The following LEKR1 variants were observed in gnomAD, a reference collection of about 807,000 sequenced individuals.
LEKR1 encodes the protein protein LEKR1.
In LEKR1, 59 loss-of-function variants were observed where a neutral mutation model predicts 72.4. The ratio of observed to expected loss-of-function variants is 0.82; its 90% CI spans 0.66 to 1.01. The LOEUF is 1.01. LEKR1 is among the 50% of genes least tolerant of loss of function. The probability of loss-of-function intolerance (pLI) is 0.00; values close to 1 mark genes in which losing one functional copy is unlikely to be tolerated. For missense variants in LEKR1, 728 were observed against 759.2 expected (o/e 0.96, Z 0.48); for synonymous variants, 257 against 263.2 (o/e 0.98, Z 0.23).
At chr3:156,836,644 C>T (rs982821628) in intron 2 of LEKR1, among the ~76,000 whole-genome samples, 1 of 152,182 alleles carries the variant, frequency 6.6e-6, no homozygotes, top group Non-Finnish European at 1.5e-5. Flanking sequence ...ACCAGTAAGT[C>T]TTATCTAAGA....
intron 2 of LEKR1, among the ~76,000 whole-genome samples, chr3:156,844,955 T>A (rs1714410076): frequency 6.7e-6 from 1 of 150,038 alleles, no homozygotes; most frequent in African/African-American, 2.4e-5. Flanking sequence ...CCAGAGTGGG[T>A]ATACCATTTT....
chr3:156,932,474 A>G (rs1286172487), intron 5 of LEKR1, among the ~76,000 whole-genome samples: 1 of 152,142 alleles, frequency 6.6e-6, no homozygotes, highest in African/African-American at 2.4e-5. Context: ...GCACTATGGG[A>G]GACTGAGGCA....
intron 2 of LEKR1, among the ~76,000 whole-genome samples, chr3:156,848,457 G>C (rs1026715060): frequency 3.3e-5 from 5 of 152,126 alleles, no homozygotes; most frequent in African/African-American, 7.2e-5. Context: ...TGTTCACTGA[G>C]AGCAAGCATG....
At chr3:156,964,171 G>C (rs1469246099) in intron 6 of LEKR1, among the ~76,000 whole-genome samples, 2 of 152,126 alleles carry the variant, frequency 1.3e-5, no homozygotes, top group African/African-American at 4.8e-5. Flanking sequence ...CTTTCAGATA[G>C]AATTATAAAC....
chr3:156,899,381 C>T (rs865929552), intron 3 of LEKR1, among the ~76,000 whole-genome samples: 2 of 106,976 alleles, frequency 1.9e-5, no homozygotes, highest in Admixed American at 1.1e-4. Context: ...CATATATACA[C>T]ATATATACAT....
chr3:157,004,678 C>G (rs1303024572), intron 9 of LEKR1, among the ~76,000 whole-genome samples: 2 of 152,028 alleles, frequency 1.3e-5, no homozygotes, highest in African/African-American at 4.8e-5. Context: ...AGAAAATTAT[C>G]TTGACAGTCC....
chr3:156,870,819 A>G (rs1717841243), intron 3 of LEKR1, among the ~76,000 whole-genome samples: 2 of 152,078 alleles, frequency 1.3e-5, no homozygotes, highest in East Asian at 3.8e-4. Context: ...AGTTTGTCAT[A>G]TATGGCCTTT....
chr3:156,848,082 T>C (rs1237239712), intron 2 of LEKR1, among the ~76,000 whole-genome samples: 1 of 152,192 alleles, frequency 6.6e-6, no homozygotes, highest in African/African-American at 2.4e-5. Context: ...CAAGGATTAA[T>C]GATGAAAGTG....
intron 6 of LEKR1, among the ~76,000 whole-genome samples, chr3:156,976,416 G>A (rs376101948): frequency 7.3e-4 from 111 of 151,988 alleles, no homozygotes; most frequent in African/African-American, 2.6e-3. Context: ...AAGCACCAGG[G>A]GCCATTTAAT....
At chr3:157,019,413 G>A (rs1182455363) in intron 10 of LEKR1, among the ~76,000 whole-genome samples, 3 of 152,166 alleles carry the variant, frequency 2.0e-5, no homozygotes. Flanking sequence ...ACAATGCTCT[G>A]AATGCTCTGG....
At chr3:157,025,786 G>A (rs867718391) in intron 11 of LEKR1, among the ~76,000 whole-genome samples, 5 of 151,948 alleles carry the variant, frequency 3.3e-5, no homozygotes, top group Middle Eastern at 6.8e-3. Flanking sequence ...AGCACTTTGA[G>A]AGGCCCAAGC....
intron 2 of LEKR1, among the ~76,000 whole-genome samples, chr3:156,843,827 G>A (rs344089): frequency 0.3 from 45,392 of 150,754 alleles, 9,568 homozygotes; most frequent in African/African-American, 0.6. Context: ...AAGTTGTGAT[G>A]TGTGTGTGTG....
chr3:156,951,962 A>G (rs1257346436), intron 6 of LEKR1, among the ~76,000 whole-genome samples: 3 of 151,364 alleles, frequency 2.0e-5, no homozygotes, highest in Non-Finnish European at 4.4e-5. Flanking sequence ...ATTTTTTACT[A>G]TTGGGTATAG....
chr3:156,885,886 G>A (rs1475058779), intron 3 of LEKR1, among the ~76,000 whole-genome samples: 1 of 152,190 alleles, frequency 6.6e-6, no homozygotes, highest in Non-Finnish European at 1.5e-5. Flanking sequence ...GCTTAAGTTG[G>A]TTGGCCTACA....
chr3:156,853,020 G>A, intron 3 of LEKR1, 38 bp downstream of exon 3: 1 of 1,323,010 alleles, frequency 7.6e-7, no homozygotes, highest in East Asian at 2.5e-5. Flanking sequence ...TTATTTAGTT[G>A]AAAGACAGCT....
At chr3:156,848,288 G>A (rs532047369) in intron 2 of LEKR1, among the ~76,000 whole-genome samples, 3 of 152,310 alleles carry the variant, frequency 2.0e-5, no homozygotes, top group African/African-American at 7.2e-5. Flanking sequence ...GACATGCAGA[G>A]AGTAATAGGA....
chr3:156,993,050 G>A, intron 8 of LEKR1, 24 bp from the exon 9 acceptor site: 1 of 1,298,892 alleles, frequency 7.7e-7, no homozygotes, highest in Non-Finnish European at 1.1e-6. Flanking sequence ...TATGTTGGTG[G>A]GTGTTTTTCC....
intron 2 of LEKR1, among the ~76,000 whole-genome samples, chr3:156,852,503 A>G (rs1271972734): frequency 6.6e-6 from 1 of 152,168 alleles, no homozygotes; most frequent in Non-Finnish European, 1.5e-5. Context: ...TTTTATGGAA[A>G]ATATTTCAAG....
rs1560064198 is a variant in LEKR1 at position 156,899,533 on chromosome 3, C to CGT, written c.264-21042_264-21041insGT. Among the ~76,000 whole-genome samples, 122 of 103,556 alleles carry CGT rather than the reference C, an allele frequency of 1.2e-3. 2 individuals are homozygous for CGT. Among genetic ancestry groups the CGT allele is most frequent in the Non-Finnish European group, 1.8e-3 (90 of 50,216 alleles). 67.9% of individuals were successfully genotyped at this position (103,556 alleles called of 152,430 possible). ...ATATATACATACATACATATATACA[C>CGT]ATATATACATATATACACATATATA... On this transcript the variant is annotated intron_variant, in intron 3 of 12. Transcript: ENST00000356539.
Sources: gnomAD v4.1 joint callset for allele counts (sites outside exome capture counted in the v4.1 genomes callset) on GRCh38, gnomAD v4.1.1 for gene constraint, MANE v1.5 for transcripts, NCBI Gene and HGNC (gene_info 2026-07-23, HGNC 2026-07-21) for gene names.